The following PTPRZ1 variants were observed in gnomAD, a reference collection of about 807,000 sequenced individuals.
PTPRZ1 encodes the protein receptor-type tyrosine-protein phosphatase zeta.
Under a neutral mutation model 214.1 loss-of-function variants are expected in PTPRZ1, and 82 were observed. The observed-to-expected ratio is 0.38, with a 90% CI of 0.32 to 0.46. The LOEUF (loss-of-function observed/expected upper bound fraction) is 0.46, where lower values mean the gene tolerates loss of function less well. PTPRZ1 is among the 20% of genes least tolerant of loss of function. The pLI is 1.00. For missense variants in PTPRZ1, 2,603 were observed against 2,748.7 expected, an observed-to-expected ratio of 0.95 and a Z score of 1.19; for synonymous variants, 945 against 987.9, an observed-to-expected ratio of 0.96 and a Z score of 0.81.
intron 1 of PTPRZ1, among the ~76,000 whole-genome samples, chr7:121,891,543 T>C (rs1794622538): frequency 6.7e-6 from 1 of 148,968 alleles, no homozygotes; most frequent in African/African-American, 2.5e-5. Flanking sequence ...TAGCTTGTAT[T>C]GCCATATATA....
intron 1 of PTPRZ1, among the ~76,000 whole-genome samples, chr7:121,909,540 A>G (rs1349199774): frequency 6.6e-6 from 1 of 152,210 alleles, no homozygotes; most frequent in African/African-American, 2.4e-5. Flanking sequence ...CTGAGAAAAT[A>G]ATCAAATTTA....
chr7:121,949,485 T>C (rs1461206194), intron 2 of PTPRZ1, among the ~76,000 whole-genome samples: 1 of 152,212 alleles, frequency 6.6e-6, no homozygotes, highest in African/African-American at 2.4e-5. Flanking sequence ...CATATTTTGC[T>C]CCATTCAAAA....
At chr7:121,933,612 TA>T (rs1795990446) in intron 2 of PTPRZ1, among the ~76,000 whole-genome samples, 1 of 152,198 alleles carries the variant, frequency 6.6e-6, no homozygotes, top group Admixed American at 6.5e-5. Flanking sequence ...TCTATTTCTG[TA>T]AATAGAATAT....
intron 11 of PTPRZ1, among the ~76,000 whole-genome samples, chr7:122,007,742 C>T (rs1483728599): frequency 1.3e-5 from 2 of 152,110 alleles, no homozygotes; most frequent in African/African-American, 4.8e-5. Flanking sequence ...TTTACACTAA[C>T]TTTTAAAAAT....
chr7:121,985,269 TC>T (rs1225602132), intron 8 of PTPRZ1, among the ~76,000 whole-genome samples: 1 of 152,104 alleles, frequency 6.6e-6, no homozygotes, highest in Non-Finnish European at 1.5e-5. Flanking sequence ...TAATAGACAA[TC>T]GATTAGAAAA....
rs949226542 is a variant in PTPRZ1 at position 122,053,855 on chromosome 7, T to G, written c.6253-55T>G. The G allele has an allele frequency of 6.3e-6, 10 of 1,594,712 alleles. No homozygotes were observed. The African/African-American group carries it at 1.3e-4, about 22-fold the overall frequency. On this transcript the variant is annotated intron_variant, in intron 25 of 29. Coordinates refer to ENST00000393386, the MANE Select transcript of PTPRZ1 (RefSeq NM_002851.3). ...GTCCATTGATGTATAAATGCTTATC[T>G]GAATGTTTAAAGGCATACGCCAGTG...
chr7:121,888,258 C>T (rs1182134603), intron 1 of PTPRZ1, among the ~76,000 whole-genome samples: 1 of 151,722 alleles, frequency 6.6e-6, no homozygotes, highest in Non-Finnish European at 1.5e-5. Flanking sequence ...ATCAATTTCT[C>T]TTCTTTGGGC....
At chr7:122,035,960 G>T (rs1302526135) in intron 17 of PTPRZ1, among the ~76,000 whole-genome samples, 1 of 152,070 alleles carries the variant, frequency 6.6e-6, no homozygotes, top group African/African-American at 2.4e-5. Flanking sequence ...ACCAGATTTT[G>T]CATCCATCCT....
intron 18 of PTPRZ1, among the ~76,000 whole-genome samples, chr7:122,037,012 C>T (rs1201939143): frequency 6.7e-6 from 1 of 150,258 alleles, no homozygotes; most frequent in Non-Finnish European, 1.5e-5. Context: ...GTGGCTCACG[C>T]CTGTAATCCC....
rs143051968 is a variant in PTPRZ1 at position 121,911,011 on chromosome 7, A to G, written c.59-17145A>G. Among the ~76,000 whole-genome samples, 17 of 152,266 alleles carry G rather than the reference A, an allele frequency of 1.1e-4. No individual in the cohort carries two copies. In the East Asian group the frequency reaches 3.1e-3, roughly 28 times the overall value. On this transcript the variant is annotated intron_variant, in intron 1 of 29. Transcript: ENST00000393386. ...CATCGAATAAAAATAAGAATGATAC[A>G]ATAACTTAGCTAATGACAACAATAA...
At chr7:121,989,501 A>G (rs1584716779) in intron 8 of PTPRZ1, among the ~76,000 whole-genome samples, 1 of 151,942 alleles carries the variant, frequency 6.6e-6, no homozygotes. Context: ...CAGCCTCCCA[A>G]GTAGCTGAGA....
intron 2 of PTPRZ1, among the ~76,000 whole-genome samples, chr7:121,945,375 G>C (rs1450133827): frequency 2.0e-5 from 3 of 152,162 alleles, no homozygotes; most frequent in Non-Finnish European, 4.4e-5. Flanking sequence ...TAGAATTATA[G>C]AGATTAAAAC....
chr7:121,924,277 T>C (rs1015543246), intron 1 of PTPRZ1, among the ~76,000 whole-genome samples: 1 of 152,178 alleles, frequency 6.6e-6, no homozygotes, highest in Non-Finnish European at 1.5e-5. Flanking sequence ...TAGATTCTTT[T>C]TTATATAGGA....
intron 11 of PTPRZ1, among the ~76,000 whole-genome samples, chr7:122,007,642 A>G (rs1798531842): frequency 6.6e-6 from 1 of 152,074 alleles, no homozygotes. Context: ...CTGAATATAG[A>G]AATAAAGAGT....
chr7:121,892,047 A>G (rs1021599724), intron 1 of PTPRZ1, among the ~76,000 whole-genome samples: 5 of 152,154 alleles, frequency 3.3e-5, no homozygotes, highest in African/African-American at 1.2e-4. Flanking sequence ...GGATAGTCAT[A>G]CAGCAGCCAG....
At chr7:122,058,379 A>G (rs1792443862) in intron 27 of PTPRZ1, among the ~76,000 whole-genome samples, 1 of 152,050 alleles carries the variant, frequency 6.6e-6, no homozygotes, top group Non-Finnish European at 1.5e-5. Context: ...CCACTGTGTC[A>G]TGCAATCTTT....
At chr7:122,052,671 A>G (rs184293594) in intron 25 of PTPRZ1, among the ~76,000 whole-genome samples, 7 of 152,314 alleles carry the variant, frequency 4.6e-5, no homozygotes, top group Admixed American at 4.6e-4. Flanking sequence ...AGGGGCTAGA[A>G]GAGCCAGGAC....
intron 18 of PTPRZ1, 117 bp from the exon 19 acceptor site, chr7:122,038,638 A>C: frequency 1.1e-6 from 1 of 944,174 alleles, no homozygotes; most frequent in Non-Finnish European, 1.5e-6. Context: ...TTGCAAGTTT[A>C]TTTTTTATGG....
chr7:121,970,750 GT>G (rs1403098650), intron 3 of PTPRZ1, among the ~76,000 whole-genome samples: 1 of 152,072 alleles, frequency 6.6e-6, no homozygotes, highest in Non-Finnish European at 1.5e-5. Context: ...TATTCTGTAG[GT>G]TGCCTGTTCA....
Sources: allele counts gnomAD v4.1 joint callset (sites outside exome capture counted in the v4.1 genomes callset), GRCh38; gene constraint gnomAD v4.1.1; transcripts MANE v1.5; gene names NCBI Gene and HGNC (gene_info 2026-07-23, HGNC 2026-07-21).